Variants in PMEL observed in about 807,000 individuals in gnomAD.
PMEL encodes melanocyte protein PMEL.
PMEL carries 53 observed loss-of-function variants against 64.9 expected under a neutral mutation model. That is an observed-to-expected ratio of 0.82 (90% CI 0.66 to 1.03). The LOEUF is 1.03. Among genes scored for constraint, PMEL ranks in the 50% least tolerant of loss-of-function variants. The pLI, the probability that PMEL is intolerant of heterozygous loss-of-function variation, is 0.00. For synonymous variants in PMEL, 299 were observed against 316.2 expected (o/e 0.95, Z 0.58); for missense variants, 716 against 814.9 (o/e 0.88, Z 1.48).
At chr12:55,962,128 G>A (rs1181035301) in intron 1 of PMEL, among the ~76,000 whole-genome samples, 2 of 151,778 alleles carry the variant, frequency 1.3e-5, no homozygotes, top group Non-Finnish European at 2.9e-5. Flanking sequence ...GAGCCACTGC[G>A]CCCGGCTGAA....
intron 1 of PMEL, 102 bp from the exon 2 acceptor site, chr12:55,961,834 A>ATTTTT (rs1201947206): frequency 5.9e-6 from 3 of 510,988 alleles, no homozygotes; most frequent in South Asian, 2.4e-5. Flanking sequence ...TTCGAAGTGC[A>ATTTTT]TTTTTTTTTT....
At chr12:55,966,277 G>T (rs1340814299), upstream of PMEL, 1 of 550,590 alleles carries the variant, frequency 1.8e-6, no homozygotes, top group East Asian at 3.1e-5. Context: ...CTGAAAGGCA[G>T]CTGCGTAACA....
chr12:55,959,120 C>G (rs968297030), intron 3 of PMEL, among the ~76,000 whole-genome samples: 1 of 150,548 alleles, frequency 6.6e-6, no homozygotes, highest in Non-Finnish European at 1.5e-5. Flanking sequence ...TGGCTCATGG[C>G]TGTAAACCCA....
At chr12:55,957,851 C>T in intron 5 of PMEL, 72 bp downstream of exon 5, 1 of 1,579,210 alleles carries the variant, frequency 6.3e-7, no homozygotes, top group Non-Finnish European at 8.6e-7. Context: ...CACCTTTCTC[C>T]TTTCCAGTCC....
intron 3 of PMEL, among the ~76,000 whole-genome samples, chr12:55,959,206 C>G (rs1427951960): frequency 6.6e-6 from 1 of 151,316 alleles, no homozygotes; most frequent in African/African-American, 2.4e-5. Context: ...ATAGCAAGAC[C>G]CTGTCTCTAC....
rs994213737 is a variant in PMEL, at chr12:55,956,328, G to T, written c.1355-109C>A. 9.9e-6 allele frequency: 7 copies of T among 708,218 alleles called. No homozygotes were observed. In the African/African-American group the frequency reaches 1.2e-4, roughly 13 times the overall value. The allele number at this position is 708,218 out of a possible 1,614,324, so 43.9% of individuals were successfully genotyped here. On this transcript the variant is annotated intron_variant, in intron 6 of 10. Coordinates refer to ENST00000548747, the MANE Select transcript of PMEL (RefSeq NM_001384361.1). ...TGAACCAGAGTTACTGGATTCTGGA[G>T]TCACAGGCTTGGAATCAGATAAGAC...
intron 10 of PMEL, among the ~76,000 whole-genome samples, chr12:55,954,662 T>C (rs1314418585): frequency 1.3e-5 from 2 of 152,138 alleles, no homozygotes; most frequent in Non-Finnish European, 2.9e-5. Flanking sequence ...TCCCAGCACT[T>C]TGGGAGGCCA....
chr12:55,960,053 A>C (rs1403313724), intron 3 of PMEL, among the ~76,000 whole-genome samples: 3 of 151,738 alleles, frequency 2.0e-5, no homozygotes, highest in Admixed American at 2.0e-4. Flanking sequence ...TTAGCCGGGC[A>C]TGGTGACATG....
chr12:55,963,305 G>C (rs771855950), intron 1 of PMEL, among the ~76,000 whole-genome samples: 1 of 152,166 alleles, frequency 6.6e-6, no homozygotes, highest in Non-Finnish European at 1.5e-5. Flanking sequence ...GACCAAGAGA[G>C]GTCTGAGAAG....
At chr12:55,960,103 C>A (rs1889041780) in intron 3 of PMEL, among the ~76,000 whole-genome samples, 1 of 150,942 alleles carries the variant, frequency 6.6e-6, no homozygotes, top group Admixed American at 6.6e-5. Flanking sequence ...CCCAGCTACT[C>A]AGGAGGCTGA....
chr12:55,961,658 C>G lies in PMEL; in HGVS notation c.151G>C (p.Glu51Gln). The change falls in exon 2 of 11, where the codon GAG becomes CAG. Residue 51 changes from glutamate to glutamine, a missense_variant. Physicochemically the swap from Glu to Gln is conservative, Grantham distance 29. Transcript: ENST00000548747. ...TKAWNRQLYP[E>Q]WTEAQRLDCW... Reference sequence around the variant, plus strand: ...TCAAGTCTCTGGGCTTCTGTCCACTCTGGATACAGCTGCCTGTTCCAGGCT... The same window carrying G: ...TCAAGTCTCTGGGCTTCTGTCCACTGTGGATACAGCTGCCTGTTCCAGGCT... The G allele has an allele frequency of 6.2e-7, 1 of 1,614,052 alleles. No homozygotes were observed. The highest frequency in any genetic ancestry group is 8.5e-7 in the Non-Finnish European group (1 of 1,179,986).
At chr12:55,958,244 T>C in intron 4 of PMEL, 160 bp from the exon 5 acceptor site, 1 of 809,608 alleles carries the variant, frequency 1.2e-6, no homozygotes, top group East Asian at 2.7e-5. Context: ...GAAGGGGTCC[T>C]AATGAGGCAT....
At chr12:55,966,354 A>G (rs1889301233), upstream of PMEL, 1 of 287,264 alleles carries the variant, frequency 3.5e-6, no homozygotes, top group South Asian at 4.8e-5. Flanking sequence ...AAAGACAGAA[A>G]CAGAACCCTG....
chr12:55,957,899 C>T (rs1307554234), intron 5 of PMEL, 24 bp downstream of exon 5: 5 of 1,612,816 alleles, frequency 3.1e-6, no homozygotes, highest in Non-Finnish European at 4.2e-6. Context: ...CTACAACTGG[C>T]CTTGCCCCTT....
chr12:55,962,413 T>C (rs1338810832), intron 1 of PMEL, among the ~76,000 whole-genome samples: 1 of 125,240 alleles, frequency 8.0e-6, no homozygotes, highest in Admixed American at 9.7e-5. Context: ...ATTGCACCAG[T>C]GTACTCCAGC....
chr12:55,954,474 C>T lies in PMEL; in HGVS notation c.1851-125G>A, dbSNP rs191793703. On this transcript the variant is annotated intron_variant, in intron 10 of 10. Transcript: ENST00000548747. The stretch of plus-strand genomic sequence containing the variant: ...GCCTTGATCCTAGCTTCCTCCCCTT[C>T]TCCTCACCTCCAGGGTTTACCCTCT... 2.3e-4 allele frequency: 208 copies of T among 902,834 alleles called. 3 individuals carry two copies. In the East Asian group the frequency reaches 4.4e-3, roughly 19 times the overall value. 55.9% of individuals were successfully genotyped at this position (902,834 alleles called of 1,614,324 possible).
chr12:55,956,518 C>T lies in PMEL; in HGVS notation c.1355-299G>A, dbSNP rs532929033. ...AGGCTAGACATTCAACGTGTGTTAA[C>T]TCATTTAAGCATCACTGTTTCATTC... is the stretch of plus-strand genomic sequence containing the variant. On this transcript the variant is annotated intron_variant, in intron 6 of 10. Transcript: ENST00000548747. The T allele has an allele frequency of 3.1e-5, 11 of 359,194 alleles. 1 individual carries two copies. In the East Asian group the frequency reaches 4.9e-4, roughly 16 times the overall value. 22.3% of individuals were successfully genotyped at this position (359,194 alleles called of 1,614,324 possible). A position where few individuals can be genotyped will look rare whatever the true frequency, so the allele number is the denominator to read the frequency against.
chr12:55,957,254 G>T lies in PMEL; in HGVS notation c.1049C>A (p.Ser350Tyr), dbSNP rs765152357. 1.2e-6 allele frequency: 2 copies of T among 1,614,032 alleles called. No individual in the cohort carries two copies. Among genetic ancestry groups the T allele is most frequent in the Non-Finnish European group, 1.7e-6 (2 of 1,179,888 alleles). ...APTAEPSGTT[S>Y]VQVPTTEVIS... is the part of the protein sequence containing the mutation. The stretch of plus-strand genomic sequence containing the variant: ...GACTTCAGTGGTTGGCACCTGCACA[G>T]ATGTGGTTCCAGAGGGCTCTGCAGT... The change falls in exon 6 of 11, where the codon TCT becomes TAT. Residue 350 changes from serine to tyrosine, a missense_variant. Ser to Tyr is a moderately radical substitution (Grantham distance 144). Coordinates refer to ENST00000548747, the MANE Select transcript of PMEL (RefSeq NM_001384361.1).
chr12:55,961,668 C>G lies in PMEL; in HGVS notation c.141G>C (p.Gln47His). 1 of 1,614,090 alleles carries G rather than the reference C, an allele frequency of 6.2e-7. No individual in the cohort carries two copies. Among genetic ancestry groups the G allele is most frequent in the South Asian group, 1.1e-5 (1 of 91,078 alleles). The change falls in exon 2 of 11, where the codon CAG (glutamine) becomes CAC (histidine). Residue 47 changes from glutamine to histidine, a missense_variant. By Grantham distance (24) the Gln-to-His change is conservative. Coordinates refer to ENST00000548747, the MANE Select transcript of PMEL (RefSeq NM_001384361.1). ...GGGCTTCTGTCCACTCTGGATACAG[C>G]TGCCTGTTCCAGGCTTTGGTTCTGA... ...RQLRTKAWNR[Q>H]LYPEWTEAQR...
Sources: gnomAD v4.1 joint callset for allele counts (sites outside exome capture counted in the v4.1 genomes callset) on GRCh38, gnomAD v4.1.1 for gene constraint, MANE v1.5 for transcripts, NCBI Gene and HGNC (gene_info 2026-07-23, HGNC 2026-07-21) for gene names.